Variants in KIF24 observed in about 807,000 individuals in gnomAD.
KIF24 encodes the protein kinesin-like protein KIF24.
In KIF24, 81 loss-of-function variants were observed where a neutral mutation model predicts 118.9. The observed-to-expected ratio is 0.68, with a 90% CI of 0.57 to 0.82. The LOEUF is 0.82. Among genes scored for constraint, KIF24 ranks in the 40% least tolerant of loss-of-function variants. The pLI is 0.00. For synonymous variants in KIF24, 599 were observed against 610.0 expected, an observed-to-expected ratio of 0.98 and a Z score of 0.27; for missense variants, 1,560 against 1,661.6, an observed-to-expected ratio of 0.94 and a Z score of 1.06.
chr9:34,266,690 AAAAAAGAAAG>A (rs1167199410), intron 8 of KIF24, among the ~76,000 whole-genome samples: 18 of 150,166 alleles, frequency 1.2e-4, no homozygotes, highest in African/African-American at 1.2e-4. Context: ...AAAAAAAAAA[AAAAAAGAAAG>A]AAAAAGAAAG....
intron 1 of KIF24, among the ~76,000 whole-genome samples, chr9:34,321,197 AT>A (rs1837508472): frequency 2.0e-5 from 3 of 152,068 alleles, no homozygotes; most frequent in Admixed American, 2.0e-4. Flanking sequence ...TACATGGTTT[AT>A]TTTTTCTATT....
rs1837418335 is a variant in KIF24, at chr9:34,318,825, G to A, written c.-25-7454C>T. ...CGCCTGTAGGGACCCAGCTCAGTGA[G>A]TTTCGCTGATGACTTCGTGCGCAGC... is the stretch of plus-strand genomic sequence containing the variant. On this transcript the variant is annotated intron_variant, in intron 1 of 12. Coordinates refer to ENST00000402558, the MANE Select transcript of KIF24 (RefSeq NM_194313.4). This position sits in a 1 kb window ranked among gnomAD's most constrained non-coding sequence, Gnocchi z 4.9. 1 of 1,586,850 alleles carries A rather than the reference G, an allele frequency of 6.3e-7. No individual in the cohort carries two copies. The highest frequency in any genetic ancestry group is 1.3e-5 in the African/African-American group (1 of 74,480).
intron 8 of KIF24, among the ~76,000 whole-genome samples, chr9:34,268,204 C>T (rs776375922): frequency 1.3e-4 from 19 of 151,702 alleles, no homozygotes; most frequent in Non-Finnish European, 2.8e-4. Context: ...TCTGTTGTTG[C>T]CCAGGCTGGA....
intron 1 of KIF24, among the ~76,000 whole-genome samples, chr9:34,316,296 G>A (rs537883590): frequency 5.9e-5 from 9 of 151,632 alleles, no homozygotes; most frequent in Non-Finnish European, 1.0e-4. Context: ...AGCCGAGATC[G>A]TGTCACTGCA....
chr9:34,332,326 C>A (rs182644219), upstream of KIF24, among the ~76,000 whole-genome samples: 1 of 152,216 alleles, frequency 6.6e-6, no homozygotes, highest in Non-Finnish European at 1.5e-5. Context: ...TTATGGGGTA[C>A]CTTGTTAACC....
At chr9:34,278,530 T>C (rs1835736971) in intron 6 of KIF24, among the ~76,000 whole-genome samples, 1 of 151,326 alleles carries the variant, frequency 6.6e-6, no homozygotes, top group South Asian at 2.1e-4. Flanking sequence ...AAATATAGCT[T>C]TAGAGATCAA....
intron 6 of KIF24, among the ~76,000 whole-genome samples, chr9:34,284,427 G>T (rs1835962102): frequency 1.3e-5 from 2 of 152,116 alleles, no homozygotes; most frequent in African/African-American, 4.8e-5. Flanking sequence ...CTCTAAAATA[G>T]AAACAACCCC....
chr9:34,257,747 A>G lies in KIF24; in HGVS notation c.1860T>C (p.Phe620=). The change falls in exon 11 of 13, where the codon TTT becomes TTC. Residue 620 remains phenylalanine, a synonymous_variant. Transcript: ENST00000402558. ...TACCAGAGACCTTAGGTGCAGAAGT[A>G]AAAGGAATGTTGGGTGGGTGGCTGG... is the stretch of plus-strand genomic sequence containing the variant. ...PLTSHPPNIP[F]TSAPKVSGKR... is the part of the protein sequence containing the mutation. 1.9e-6 allele frequency: 3 copies of G among 1,614,026 alleles called. No homozygotes were observed. Among genetic ancestry groups the G allele is most frequent in the Non-Finnish European group, 2.5e-6 (3 of 1,179,884 alleles).
intron 1 of KIF24, among the ~76,000 whole-genome samples, chr9:34,325,422 G>C (rs1026021617): frequency 6.6e-6 from 1 of 151,754 alleles, no homozygotes; most frequent in Non-Finnish European, 1.5e-5. Flanking sequence ...GCCAGGCACG[G>C]TGGCTCATGC....
At chr9:34,313,946 G>T (rs1403270950) in intron 1 of KIF24, among the ~76,000 whole-genome samples, 2 of 149,660 alleles carry the variant, frequency 1.3e-5, no homozygotes, top group Non-Finnish European at 3.0e-5. Context: ...GTAGAGAAAG[G>T]GTCTCCCTGT....
At chr9:34,291,660 A>G (rs1836260200) in intron 4 of KIF24, among the ~76,000 whole-genome samples, 1 of 152,222 alleles carries the variant, frequency 6.6e-6, no homozygotes, top group Non-Finnish European at 1.5e-5. Flanking sequence ...GAGGAGTTGG[A>G]GACCAAGATT....
Position 34,269,368 on chromosome 9 carries a change from GA to G in KIF24, c.1338-7del. On this transcript the variant is annotated splice_region_variant and splice_polypyrimidine_tract_variant and intron_variant, in intron 7 of 12. Coordinates refer to ENST00000402558, the MANE Select transcript of KIF24 (RefSeq NM_194313.4). The stretch of plus-strand genomic sequence containing the variant: ...CCAAGTCAATAAAAGAGATCCTAGA[GA>G]AAAGACACAGCAGGAGTGACTTCTG... 6.9e-7 allele frequency: 1 copy of G among 1,456,652 alleles called. No individual in the cohort carries two copies. Among genetic ancestry groups the G allele is most frequent in the Non-Finnish European group, 9.6e-7 (1 of 1,040,824 alleles). The allele number at this position is 1,456,652 out of a possible 1,614,324, so 90.2% of individuals were successfully genotyped here.
At position 34,306,238 on chromosome 9, in the gene KIF24, C is replaced by A; in HGVS notation, c.813+14G>T. 6.5e-7 allele frequency: 1 copy of A among 1,536,572 alleles called. No individual in the cohort carries two copies. The highest frequency in any genetic ancestry group is 1.2e-5 in the South Asian group (1 of 81,166). ...GATAATATTAGTTCCAAACATAAAACGAAAACATCATACCTGCAGAATATA... is the reference window on the plus strand; with the variant it reads ...GATAATATTAGTTCCAAACATAAAAAGAAAACATCATACCTGCAGAATATA... On this transcript the variant is annotated intron_variant, in intron 3 of 12. Transcript: ENST00000402558.
At position 34,256,492 on chromosome 9, in the gene KIF24, C is replaced by T; in HGVS notation, c.3115G>A (p.Gly1039Ser). 1 of 1,613,650 alleles carries T rather than the reference C, an allele frequency of 6.2e-7. No individual in the cohort carries two copies. Among genetic ancestry groups the T allele is most frequent in the East Asian group, 2.2e-5 (1 of 44,882 alleles). Residue 1039 changes from glycine (G) to serine (S), a missense_variant, in exon 11 of 13, where the codon GGC (glycine) becomes AGC (serine). This residue lies in a region of KIF24 where 591 missense variants were observed against 655.6 expected (regional missense o/e 0.90). Coordinates refer to ENST00000402558, the MANE Select transcript of KIF24 (RefSeq NM_194313.4). ...VPGEDPRGQLGTHAEYASGLM... is the reference protein window; with the variant it reads ...VPGEDPRGQLSTHAEYASGLM... The stretch of plus-strand genomic sequence containing the variant: ...CCAGAAGCATATTCAGCATGCGTGC[C>T]TAACTGCCCCCTAGGATCCTCTCCT...
intron 1 of KIF24, among the ~76,000 whole-genome samples, chr9:34,316,563 T>C (rs1012743892): frequency 6.6e-6 from 1 of 152,186 alleles, no homozygotes; most frequent in Non-Finnish European, 1.5e-5. Flanking sequence ...ACACTTCATA[T>C]GGTTTAAAAA....
intron 5 of KIF24, among the ~76,000 whole-genome samples, chr9:34,287,946 G>A (rs1035668403): frequency 6.7e-6 from 1 of 149,550 alleles, no homozygotes; most frequent in Non-Finnish European, 1.5e-5. Context: ...CTAACTTTTA[G>A]AGCCCTGCTG....
chr9:34,278,492 T>TAAATGTAA (rs1835736196), intron 6 of KIF24, among the ~76,000 whole-genome samples: 2 of 144,406 alleles, frequency 1.4e-5, no homozygotes, highest in South Asian at 4.3e-4. Flanking sequence ...CTTTTTTTCA[T>TAAATGTAA]AAATGTAAAA....
chr9:34,306,362 T>A lies in KIF24; in HGVS notation c.703A>T (p.Met235Leu). The A allele has an allele frequency of 6.2e-7, 1 of 1,612,460 alleles. No homozygotes were observed. The highest frequency in any genetic ancestry group is 2.2e-5 in the East Asian group (1 of 44,894). Residue 235 changes from methionine to leucine, a missense_variant, in exon 3 of 13, where the codon ATG becomes TTG. Coordinates refer to ENST00000402558, the MANE Select transcript of KIF24 (RefSeq NM_194313.4). ...RVCVRKRPLG[M>L]REVRRGEINI... ...ATTTCTCCACGACGTACCTCCCTCA[T>A]GCCCAGGGGGCGTTTTCGAACACAA... is the stretch of plus-strand genomic sequence containing the variant.
At chr9:34,269,663 C>T (rs536771084) in intron 7 of KIF24, among the ~76,000 whole-genome samples, 1 of 152,140 alleles carries the variant, frequency 6.6e-6, no homozygotes, top group Admixed American at 6.5e-5. Context: ...TCGTGATCCG[C>T]CCGCCTTGGC....
Sources: allele counts gnomAD v4.1 joint callset (sites outside exome capture counted in the v4.1 genomes callset), GRCh38; gene constraint gnomAD v4.1.1; regional missense constraint gnomAD v4.1.1; non-coding constraint Gnocchi (gnomAD v3.1); transcripts MANE v1.5; gene names NCBI Gene and HGNC (gene_info 2026-07-23, HGNC 2026-07-21).